Variants in GRM5 observed in about 807,000 individuals in gnomAD.
The protein encoded by GRM5 is glutamate metabotropic receptor 5.
In GRM5, 19 loss-of-function variants were observed where a neutral mutation model predicts 83.1. The observed-to-expected ratio is 0.23, with a 90% CI of 0.16 to 0.34. The LOEUF is 0.34. GRM5 is among the 10% of genes least tolerant of loss of function. The probability of loss-of-function intolerance (pLI) is 1.00; values close to 1 mark genes in which losing one functional copy is unlikely to be tolerated. For missense variants in GRM5, 1,160 were observed against 1,588.3 expected, an observed-to-expected ratio of 0.73 and a Z score of 4.58; for synonymous variants, 675 against 633.6, an observed-to-expected ratio of 1.07 and a Z score of -0.98.
At chr11:88,573,125 G>A (rs557457446) in intron 7 of GRM5, among the ~76,000 whole-genome samples, 2 of 152,106 alleles carry the variant, frequency 1.3e-5, no homozygotes, top group African/African-American at 2.4e-5. Context: ...TAAGTCTGTG[G>A]TTCTCTTGTA....
chr11:88,601,086 A>G (rs1937976001), intron 5 of GRM5, among the ~76,000 whole-genome samples: 1 of 152,218 alleles, frequency 6.6e-6, no homozygotes, highest in South Asian at 2.1e-4. Flanking sequence ...AAAAAAAAGA[A>G]GGTAAATTTT....
At position 88,996,002 on chromosome 11, in the gene GRM5, G is replaced by GA. The variant is rs555124000; in HGVS notation, c.661+51209dup. Among the ~76,000 whole-genome samples, 60 of 144,558 alleles carry GA rather than the reference G, an allele frequency of 4.2e-4. 1 individual carries two copies. Among genetic ancestry groups the GA allele is most frequent in the South Asian group, 1.3e-3 (6 of 4,590 alleles). The allele number at this position is 144,558 out of a possible 152,430, so 94.8% of individuals were successfully genotyped here. A position where few individuals can be genotyped will look rare whatever the true frequency, so the allele number is the denominator to read the frequency against. On this transcript the variant is annotated intron_variant, in intron 2 of 9. Transcript: ENST00000305447. Reference sequence around the variant, plus strand: ...ATAACCAAAGAAAGAAAAAAGAAAAGAAAAAAAAAAGAAAAACCTCACAGA... The same window carrying GA: ...ATAACCAAAGAAAGAAAAAAGAAAAGAAAAAAAAAAAGAAAAACCTCACAGA...
At chr11:88,568,331 C>T (rs1277575554) in intron 7 of GRM5, among the ~76,000 whole-genome samples, 1 of 152,068 alleles carries the variant, frequency 6.6e-6, no homozygotes, top group African/African-American at 2.4e-5. Flanking sequence ...GGGTTCTAAG[C>T]AGTCTCTTGA....
chr11:88,936,175 T>C (rs1478785287), intron 2 of GRM5, among the ~76,000 whole-genome samples: 1 of 151,812 alleles, frequency 6.6e-6, no homozygotes, highest in Non-Finnish European at 1.5e-5. Flanking sequence ...TGTGACTTGA[T>C]CAAGATAATT....
intron 2 of GRM5, among the ~76,000 whole-genome samples, chr11:88,924,937 T>C (rs1250942732): frequency 6.6e-6 from 1 of 152,074 alleles, no homozygotes; most frequent in Non-Finnish European, 1.5e-5. Flanking sequence ...ATATTAACTA[T>C]ACACAATAAA....
rs928397895 is a variant in GRM5, at chr11:88,785,810, T to C, written c.911+64096A>G. Among the ~76,000 whole-genome samples, 3 of 152,078 alleles carry C rather than the reference T, an allele frequency of 2.0e-5. No individual in the cohort carries two copies. The South Asian group carries it at 6.2e-4, about 31-fold the overall frequency. On this transcript the variant is annotated intron_variant, in intron 3 of 9. Transcript: ENST00000305447. ...CCATTTTTGACATGGTTAGCAACAA[T>C]AGTAGTGACTATGCACCATTTATCT...
At chr11:88,850,661 C>A (rs544265487) in intron 2 of GRM5, among the ~76,000 whole-genome samples, 1 of 150,018 alleles carries the variant, frequency 6.7e-6, no homozygotes. Context: ...ATATTATATA[C>A]TTATAATCAT....
chr11:88,554,248 G>A (rs12283050), intron 8 of GRM5, among the ~76,000 whole-genome samples: 6,687 of 152,076 alleles, frequency 0.044, 480 homozygotes, highest in African/African-American at 0.15. Flanking sequence ...AAAGCCAGCA[G>A]AATAGCACTT....
At chr11:88,726,589 C>G (rs1565203571) in intron 3 of GRM5, among the ~76,000 whole-genome samples, 1 of 152,142 alleles carries the variant, frequency 6.6e-6, no homozygotes, top group Non-Finnish European at 1.5e-5. Context: ...ACATAATCGT[C>G]AGTTTCACCA....
intron 3 of GRM5, among the ~76,000 whole-genome samples, chr11:88,780,780 T>A (rs1323076797): frequency 6.6e-6 from 1 of 152,062 alleles, no homozygotes; most frequent in African/African-American, 2.4e-5. Flanking sequence ...CCTCCCAAAG[T>A]GCTGGAATTA....
chr11:88,745,294 G>A (rs200221840), intron 3 of GRM5, among the ~76,000 whole-genome samples: 10 of 113,578 alleles, frequency 8.8e-5, no homozygotes, highest in Admixed American at 1.9e-4. Context: ...TCAACCCTTC[G>A]GGCTCAATCC....
intron 3 of GRM5, among the ~76,000 whole-genome samples, chr11:88,752,495 A>G (rs529801415): frequency 1.3e-5 from 2 of 152,246 alleles, no homozygotes; most frequent in African/African-American, 2.4e-5. Context: ...CATGGATAGG[A>G]ATAATCAATA....
At chr11:88,878,891 T>C (rs1248182359) in intron 2 of GRM5, among the ~76,000 whole-genome samples, 1 of 152,092 alleles carries the variant, frequency 6.6e-6, no homozygotes, top group Admixed American at 6.6e-5. Flanking sequence ...GACAAAACTA[T>C]AGGAATAAAA....
At chr11:88,895,401 G>A (rs1205403320) in intron 2 of GRM5, among the ~76,000 whole-genome samples, 3 of 151,896 alleles carry the variant, frequency 2.0e-5, no homozygotes, top group African/African-American at 7.2e-5. Context: ...GTGACTTCAA[G>A]TGCATCACTA....
chr11:88,800,654 C>T (rs752732701), intron 3 of GRM5, among the ~76,000 whole-genome samples: 4 of 152,038 alleles, frequency 2.6e-5, no homozygotes, highest in Non-Finnish European at 5.9e-5. Flanking sequence ...AATGGACTAG[C>T]CAAGGGACAT....
chr11:88,524,592 C>T (rs889438208), intron 9 of GRM5, among the ~76,000 whole-genome samples: 3 of 152,214 alleles, frequency 2.0e-5, no homozygotes, highest in African/African-American at 7.2e-5. Flanking sequence ...TTAGTTAATG[C>T]TTATACTTCC....
At position 88,998,242 on chromosome 11, in the gene GRM5, C is replaced by T. The variant is rs138065570; in HGVS notation, c.661+48970G>A. Among the ~76,000 whole-genome samples the T allele has an allele frequency of 1.1e-4, 16 of 152,190 alleles. No individual in the cohort carries two copies. In the East Asian group the frequency reaches 2.9e-3, roughly 28 times the overall value. On this transcript the variant is annotated intron_variant, in intron 2 of 9. Coordinates refer to ENST00000305447, the MANE Select transcript of GRM5 (RefSeq NM_001143831.3). ...AAAACGAATTCAGCAGTTTATACAC[C>T]ATGACCAAGTGGTGTTTATTCCAGG...
intron 3 of GRM5, among the ~76,000 whole-genome samples, chr11:88,694,643 G>T (rs1047972178): frequency 2.6e-5 from 4 of 151,860 alleles, no homozygotes; most frequent in African/African-American, 9.7e-5. Context: ...CAGGGTCCCA[G>T]ATGCTTTTAA....
chr11:88,897,448 T>A (rs1945245953), intron 2 of GRM5, among the ~76,000 whole-genome samples: 1 of 151,898 alleles, frequency 6.6e-6, no homozygotes, highest in Admixed American at 6.6e-5. Context: ...TAATACCATG[T>A]TTTGGGCAAC....
Sources: gnomAD v4.1 joint callset for allele counts (sites outside exome capture counted in the v4.1 genomes callset) on GRCh38, gnomAD v4.1.1 for gene constraint, MANE v1.5 for transcripts, NCBI Gene and HGNC (gene_info 2026-07-23, HGNC 2026-07-21) for gene names.